Variants in SLC23A2 observed in about 807,000 individuals in gnomAD.
SLC23A2 encodes Na(+)/L-ascorbic acid transporter 2.
SLC23A2 carries 36 observed loss-of-function variants against 73.3 expected under a neutral mutation model. That is an observed-to-expected ratio of 0.49 (90% CI 0.38 to 0.65). SLC23A2 has a LOEUF of 0.65. Among genes scored for constraint, SLC23A2 ranks in the 30% least tolerant of loss-of-function variants. The pLI, the probability that SLC23A2 is intolerant of heterozygous loss-of-function variation, is 0.00. For synonymous variants in SLC23A2, 343 were observed against 327.3 expected, an observed-to-expected ratio of 1.05 and a Z score of -0.52; for missense variants, 507 against 841.6, an observed-to-expected ratio of 0.60 and a Z score of 4.92.
chr20:4,919,528 G>A (rs560803145), intron 3 of SLC23A2, among the ~76,000 whole-genome samples: 2 of 152,336 alleles, frequency 1.3e-5, no homozygotes, highest in African/African-American at 4.8e-5. Context: ...TGATGTGTCT[G>A]CCAAGGTCCA....
chr20:4,917,831 C>T (rs1214971755), intron 3 of SLC23A2, among the ~76,000 whole-genome samples: 1 of 152,122 alleles, frequency 6.6e-6, no homozygotes, highest in South Asian at 2.1e-4. Flanking sequence ...CTGACTGGCT[C>T]GTCTCTGATC....
intron 1 of SLC23A2, among the ~76,000 whole-genome samples, chr20:5,008,995 A>G (rs572765477): frequency 2.0e-5 from 3 of 151,524 alleles, no homozygotes; most frequent in Middle Eastern, 3.4e-3. Context: ...TCCTCCCTTT[A>G]CCCCAGGCAA....
chr20:4,962,444 A>G (rs919273951), intron 2 of SLC23A2, among the ~76,000 whole-genome samples: 4 of 152,310 alleles, frequency 2.6e-5, no homozygotes, highest in Middle Eastern at 3.4e-3. Context: ...ACCAGGACCA[A>G]TGAAGGGGAG....
chr20:4,857,296 A>G lies in SLC23A2; in HGVS notation c.1721-92T>C. The G allele has an allele frequency of 8.0e-6, 3 of 376,104 alleles. No homozygotes were observed. The highest frequency in any genetic ancestry group is 6.4e-5 in the South Asian group (2 of 31,064). 23.3% of individuals were successfully genotyped at this position (376,104 alleles called of 1,614,324 possible). A position where few individuals can be genotyped will look rare whatever the true frequency, so the allele number is the denominator to read the frequency against. The stretch of plus-strand genomic sequence containing the variant: ...TCGTCAAACACATACACACACACAC[A>G]CACACACACACACACACACACACAC... On this transcript the variant is annotated intron_variant, in intron 16 of 16. Transcript: ENST00000338244. This position sits in a 1 kb window ranked among gnomAD's most constrained non-coding sequence, Gnocchi z 4.0.
chr20:4,933,656 C>T (rs749670152), intron 2 of SLC23A2, among the ~76,000 whole-genome samples: 3 of 151,810 alleles, frequency 2.0e-5, no homozygotes, highest in Non-Finnish European at 4.4e-5. Context: ...AATGAGAGGG[C>T]ACAGAGGATC....
At chr20:4,884,950 T>A in intron 7 of SLC23A2, 127 bp from the exon 8 acceptor site, 1 of 570,706 alleles carries the variant, frequency 1.8e-6, no homozygotes, top group Non-Finnish European at 3.1e-6. Flanking sequence ...ATCCCTAAAA[T>A]TCAACCTCCA....
At chr20:4,873,153 C>A (rs1930513243) in intron 11 of SLC23A2, among the ~76,000 whole-genome samples, 1 of 152,282 alleles carries the variant, frequency 6.6e-6, no homozygotes, top group East Asian at 1.9e-4. Flanking sequence ...CATCTTTAAC[C>A]CAACCTTAAA....
At chr20:4,966,809 T>TACACACACAC (rs56931121) in intron 2 of SLC23A2, among the ~76,000 whole-genome samples, 33 of 109,820 alleles carry the variant, frequency 3.0e-4, no homozygotes, top group South Asian at 6.2e-4. Flanking sequence ...TTGATAGTTT[T>TACACACACAC]ACACACACAC....
intron 15 of SLC23A2, among the ~76,000 whole-genome samples, chr20:4,860,180 A>G (rs1040697998): frequency 6.6e-6 from 1 of 152,244 alleles, no homozygotes; most frequent in African/African-American, 2.4e-5. Context: ...TTGATTATTC[A>G]TGAATTACGT....
chr20:4,935,813 ATTAAAG>A (rs2086954483), intron 2 of SLC23A2, among the ~76,000 whole-genome samples: 1 of 152,106 alleles, frequency 6.6e-6, no homozygotes, highest in Non-Finnish European at 1.5e-5. Context: ...AAAAATTAAA[ATTAAAG>A]TTAAAAAAAA....
chr20:4,855,503 G>C lies in SLC23A2; in HGVS notation c.*1469C>G, dbSNP rs1929681691. ...CAAACCAAGAGGAGTCATTTCTCAG[G>C]AAGAATTTAGTGTTATTAATTAGAA... On this transcript the variant is annotated 3_prime_UTR_variant, in exon 17 of 17. Transcript: ENST00000338244. The C allele has an allele frequency of 6.6e-6, 1 of 152,218 alleles. No homozygotes were observed. Among genetic ancestry groups the C allele is most frequent in the South Asian group, 2.1e-4 (1 of 4,832 alleles). 9.4% of individuals were successfully genotyped at this position (152,218 alleles called of 1,614,324 possible).
rs1165882342 is a variant in SLC23A2, at chr20:4,980,474, T to C, written c.-281-9555A>G. Among the ~76,000 whole-genome samples the C allele has an allele frequency of 2.6e-5, 4 of 152,002 alleles. No homozygotes were observed. The East Asian group carries it at 7.7e-4, about 29-fold the overall frequency. ...AGGCTTAAATACCCTCTGTATAATC[T>C]CTACTTTGAAAAAAATAGTTATATA... On this transcript the variant is annotated intron_variant, in intron 1 of 16. Coordinates refer to ENST00000338244, the MANE Select transcript of SLC23A2 (RefSeq NM_005116.6).
Position 4,857,040 on chromosome 20 carries a change from T to C in SLC23A2, c.1885A>G (p.Thr629Ala), listed in dbSNP as rs1929739867. 1.1e-5 allele frequency: 18 copies of C among 1,614,048 alleles called. No homozygotes were observed. The highest frequency in any genetic ancestry group is 1.4e-5 in the Non-Finnish European group (17 of 1,179,996). ...TCGCTCTTCCTGAGGCCTTTCCATGTGTAGCCCACAAAGGTTGGGCTGATG... is the reference window on the plus strand; with the variant it reads ...TCGCTCTTCCTGAGGCCTTTCCATGCGTAGCCCACAAAGGTTGGGCTGATG... Reference protein sequence around the residue: ...LPISPTFVGYTWKGLRKSDNS... With the variant: ...LPISPTFVGYAWKGLRKSDNS... Residue 629 changes from threonine to alanine, a missense_variant, in exon 17 of 17, where the codon ACA becomes GCA. Transcript: ENST00000338244. This position sits in a 1 kb window ranked among gnomAD's most constrained non-coding sequence, Gnocchi z 4.0.
intron 1 of SLC23A2, among the ~76,000 whole-genome samples, chr20:4,990,104 G>A (rs896173003): frequency 1.6e-4 from 24 of 152,172 alleles, no homozygotes; most frequent in Admixed American, 5.2e-4. Context: ...AAGGAGCCCA[G>A]ATCCCCAAGT....
intron 2 of SLC23A2, among the ~76,000 whole-genome samples, chr20:4,966,497 A>G (rs2087477181): frequency 6.6e-6 from 1 of 152,194 alleles, no homozygotes; most frequent in Non-Finnish European, 1.5e-5. Context: ...TGTAACATAT[A>G]CAATAGACTT....
At chr20:4,932,968 GA>G (rs1290706535) in intron 2 of SLC23A2, among the ~76,000 whole-genome samples, 5 of 151,794 alleles carry the variant, frequency 3.3e-5, no homozygotes, top group Admixed American at 6.6e-5. Flanking sequence ...ATACTAGGGA[GA>G]AAAAAAATAG....
rs886095756 is a variant in SLC23A2 at position 4,884,339 on chromosome 20, T to C, written c.642+414A>G. 3.3e-5 allele frequency among the ~76,000 whole-genome samples: 5 copies of C among 152,386 alleles called. No homozygotes were observed. The East Asian group carries it at 7.7e-4, about 23-fold the overall frequency. ...TTAATACACTGTCAGCCGTACTTCATGTCTGCTTCTGTTCAATTGCACTTT... is the reference window on the plus strand; with the variant it reads ...TTAATACACTGTCAGCCGTACTTCACGTCTGCTTCTGTTCAATTGCACTTT... On this transcript the variant is annotated intron_variant, in intron 8 of 16. Coordinates refer to ENST00000338244, the MANE Select transcript of SLC23A2 (RefSeq NM_005116.6).
At chr20:4,906,761 A>G (rs1389160415) in intron 4 of SLC23A2, among the ~76,000 whole-genome samples, 2 of 152,248 alleles carry the variant, frequency 1.3e-5, no homozygotes, top group Non-Finnish European at 2.9e-5. Flanking sequence ...TCTAAGTCCT[A>G]AAAACAGGAG....
At chr20:4,860,052 T>A (rs982040147) in intron 15 of SLC23A2, among the ~76,000 whole-genome samples, 1 of 152,156 alleles carries the variant, frequency 6.6e-6, no homozygotes, top group African/African-American at 2.4e-5. Context: ...GCAGCCGCCA[T>A]GAAAAAGTTT....
Sources: allele counts gnomAD v4.1 joint callset (sites outside exome capture counted in the v4.1 genomes callset), GRCh38; gene constraint gnomAD v4.1.1; non-coding constraint Gnocchi (gnomAD v3.1); transcripts MANE v1.5; gene names NCBI Gene and HGNC (gene_info 2026-07-23, HGNC 2026-07-21).